The following RIBC2 variants were observed in gnomAD, a reference collection of about 807,000 sequenced individuals.
The protein encoded by RIBC2 is RIB43A-like with coiled-coils protein 2.
A neutral mutation model predicts 44.3 loss-of-function variants in RIBC2; 40 were observed. The ratio of observed to expected loss-of-function variants is 0.90; its 90% confidence interval spans 0.70 to 1.18. RIBC2 has a LOEUF of 1.18. RIBC2 is among the 50% of genes most tolerant of loss of function. The pLI is 0.00. For synonymous variants in RIBC2, 171 were observed against 175.0 expected, an observed-to-expected ratio of 0.98 and a Z score of 0.18; for missense variants, 459 against 485.5, an observed-to-expected ratio of 0.95 and a Z score of 0.51.
intron 3 of RIBC2, 26 bp from the exon 4 acceptor site, chr22:45,422,264 T>A: frequency 6.4e-7 from 1 of 1,573,346 alleles, no homozygotes; most frequent in Non-Finnish European, 8.7e-7. Context: ...GCCAGGTCGA[T>A]CTGATTGCTT....
chr22:45,422,439 G>T, intron 4 of RIBC2, 31 bp downstream of exon 4: 2 of 1,485,748 alleles, frequency 1.3e-6, no homozygotes, highest in South Asian at 2.3e-5. Flanking sequence ...CGGGCTCGAC[G>T]ACTGGAGGGG....
chr22:45,428,476 G>C (rs921836096), intron 5 of RIBC2, among the ~76,000 whole-genome samples: 1 of 152,178 alleles, frequency 6.6e-6, no homozygotes, highest in Non-Finnish European at 1.5e-5. Flanking sequence ...TGCTGGAGCC[G>C]TGTCCCTGGG....
chr22:45,423,318 C>A (rs1053176786), intron 4 of RIBC2, among the ~76,000 whole-genome samples: 2 of 151,912 alleles, frequency 1.3e-5, no homozygotes, highest in African/African-American at 4.8e-5. Context: ...TCTCCCTCCC[C>A]CCACAAGGTT....
rs1354157317 is a variant in RIBC2, at chr22:45,413,997, C to T, written c.111C>T (p.Ala37=). The stretch of plus-strand genomic sequence containing the variant: ...GCAGGCAGAAGCGGGTCTTCAACGC[C>T]AGAAACAGGATAATTGGGGTGAAAG... ...ELCRQKRVFN[A]RNRIIGGDTE... Residue 37 remains alanine, a synonymous_variant, in exon 1 of 7, where the codon GCC becomes GCT. Coordinates refer to ENST00000614167, the MANE Select transcript of RIBC2 (RefSeq NM_015653.5). 1 of 1,551,410 alleles carries T rather than the reference C, an allele frequency of 6.4e-7. No individual in the cohort carries two copies. The highest frequency in any genetic ancestry group is 1.2e-5 in the South Asian group (1 of 84,030).
chr22:45,415,786 G>A (rs576433519), intron 2 of RIBC2, among the ~76,000 whole-genome samples: 3 of 152,118 alleles, frequency 2.0e-5, no homozygotes, highest in East Asian at 1.9e-4. Flanking sequence ...CGCAACCTCC[G>A]CCTCCTGGGT....
chr22:45,418,310 TC>T (rs1317793484), intron 3 of RIBC2: 1 of 171,794 alleles, frequency 5.8e-6, no homozygotes, highest in African/African-American at 2.4e-5. Flanking sequence ...ATGCAGGTCT[TC>T]CTGAGTCTCT....
chr22:45,422,222 C>G (rs1229647370), intron 3 of RIBC2, 68 bp from the exon 4 acceptor site: 1 of 1,134,134 alleles, frequency 8.8e-7, no homozygotes, highest in Admixed American at 1.7e-5. Context: ...GGCAAAGGCA[C>G]GAACGGCCAC....
Position 45,427,194 on chromosome 22 carries a change from A to G in RIBC2, c.903+1019A>G, listed in dbSNP as rs989663282. ...AAATAGAACTTTCTCTCTTGCAAGT[A>G]GACTAAATCCTCAGGAAAACAGTCC... On this transcript the variant is annotated intron_variant, in intron 5 of 6. Coordinates refer to ENST00000614167, the MANE Select transcript of RIBC2 (RefSeq NM_015653.5). 7.6e-4 allele frequency among the ~76,000 whole-genome samples: 116 copies of G among 152,236 alleles called. 2 individuals carry two copies. The highest frequency in any genetic ancestry group is 2.6e-3 in the African/African-American group (107 of 41,450).
chr22:45,419,936 A>C (rs1602113769), intron 3 of RIBC2, among the ~76,000 whole-genome samples: 1 of 152,178 alleles, frequency 6.6e-6, no homozygotes, highest in African/African-American at 2.4e-5. Flanking sequence ...TGAGGCAGGA[A>C]AATGGCGTGA....
intron 3 of RIBC2, among the ~76,000 whole-genome samples, 197 bp from the exon 4 acceptor site, chr22:45,422,093 C>T (rs902998002): frequency 1.3e-5 from 2 of 152,140 alleles, no homozygotes; most frequent in Admixed American, 6.6e-5. Context: ...GTCCCAGGAC[C>T]CCAGCATAGT....
rs533434233 is a variant in RIBC2 at position 45,422,467 on chromosome 22, G to A, written c.675+59G>A. On this transcript the variant is annotated intron_variant, in intron 4 of 6. Coordinates refer to ENST00000614167, the MANE Select transcript of RIBC2 (RefSeq NM_015653.5). Reference sequence around the variant, plus strand: ...TGGAGGGGAGGATGAGCCCACTACGGCTTCCCAAGGCTCTCCGGCTTCCCT... The same window carrying A: ...TGGAGGGGAGGATGAGCCCACTACGACTTCCCAAGGCTCTCCGGCTTCCCT... 1.8e-5 allele frequency: 21 copies of A among 1,190,918 alleles called. No individual in the cohort carries two copies. The East Asian group carries it at 4.0e-4, about 23-fold the overall frequency. 73.8% of individuals were successfully genotyped at this position (1,190,918 alleles called of 1,614,324 possible).
Position 45,426,134 on chromosome 22 carries a change from C to T in RIBC2, c.862C>T (p.Gln288Ter), listed in dbSNP as rs1448364306. 1 of 1,613,828 alleles carries T rather than the reference C, an allele frequency of 6.2e-7. No homozygotes were observed. Among genetic ancestry groups the T allele is most frequent in the African/African-American group, 1.3e-5 (1 of 74,942 alleles). ...WKGMTQEQLE[Q>*]IRLVQKQQIQ... ...GGGCATGACCCAGGAGCAGCTGGAG[C>T]AGATCCGCCTAGTCCAGAAGCAGCA... Residue 288 changes from glutamine to a stop codon, truncating the protein, a stop_gained, in exon 5 of 7, where the codon CAG (glutamine) becomes TAG (stop). Transcript: ENST00000614167. LOFTEE classifies it high-confidence loss of function.
At chr22:45,414,209 T>G (rs908874769) in intron 1 of RIBC2, 113 bp from the exon 2 acceptor site, 1 of 1,484,402 alleles carries the variant, frequency 6.7e-7, no homozygotes, top group Non-Finnish European at 8.9e-7. Flanking sequence ...GAGCCAGATT[T>G]TCTACAACTC....
At chr22:45,429,149 AG>A (rs1036206772) in intron 5 of RIBC2, among the ~76,000 whole-genome samples, 2 of 152,118 alleles carry the variant, frequency 1.3e-5, no homozygotes, top group African/African-American at 4.8e-5. Context: ...GGAAGGGTGG[AG>A]GGTCCCAAAG....
chr22:45,419,520 A>T (rs2087457684), intron 3 of RIBC2, among the ~76,000 whole-genome samples: 1 of 151,836 alleles, frequency 6.6e-6, no homozygotes, highest in African/African-American at 2.4e-5. Context: ...GATCACTTGA[A>T]GCCAAGAGAT....
chr22:45,419,867 A>C (rs901028616), intron 3 of RIBC2, among the ~76,000 whole-genome samples: 4 of 152,092 alleles, frequency 2.6e-5, no homozygotes, highest in African/African-American at 9.7e-5. Context: ...TCTACTAAAA[A>C]TACAAAAAAT....
Position 45,432,385 on chromosome 22 carries a change from G to C in RIBC2, c.*23G>C. ...TAATGAGGAACACACCCTTGTTCCC[G>C]TCATTCACGTATAAAGAGTGGCTAC... On this transcript the variant is annotated 3_prime_UTR_variant, in exon 7 of 7. Transcript: ENST00000614167. 1.4e-6 allele frequency: 2 copies of C among 1,468,258 alleles called. No homozygotes were observed. Among genetic ancestry groups the C allele is most frequent in the East Asian group, 2.3e-5 (1 of 44,146 alleles). The allele number at this position is 1,468,258 out of a possible 1,614,324, so 91.0% of individuals were successfully genotyped here.
chr22:45,425,140 C>CAA (rs1176045774), intron 4 of RIBC2, among the ~76,000 whole-genome samples: 26 of 150,926 alleles, frequency 1.7e-4, no homozygotes, highest in African/African-American at 5.9e-4. Context: ...AACAAACAAA[C>CAA]AAACAAAAAA....
rs111782263 is a variant in RIBC2, at chr22:45,417,727, C to G, written c.337C>G (p.Arg113Gly). Residue 113 changes from arginine (R) to glycine (G), a missense_variant, in exon 3 of 7, where the codon CGT (arginine) becomes GGT (glycine). Transcript: ENST00000614167. ...GAGCTTTCAGAAGCCAGAAACTCGC[C>G]GTGAATTTGATCTGTCCGACCCCCT... is the stretch of plus-strand genomic sequence containing the variant. ...QQSFQKPETRREFDLSDPLAL... is the reference protein window; with the variant it reads ...QQSFQKPETRGEFDLSDPLAL... The G allele has an allele frequency of 1.2e-6, 2 of 1,614,102 alleles. No homozygotes were observed. The highest frequency in any genetic ancestry group is 1.7e-6 in the Non-Finnish European group (2 of 1,180,032).
Sources: allele counts gnomAD v4.1 joint callset (sites outside exome capture counted in the v4.1 genomes callset), GRCh38; gene constraint gnomAD v4.1.1; transcripts MANE v1.5; gene names NCBI Gene and HGNC (gene_info 2026-07-23, HGNC 2026-07-21).